Variants in PTGER3 observed in about 807,000 individuals in gnomAD.
PTGER3 encodes prostaglandin E receptor 3.
Under a neutral mutation model 34.7 loss-of-function variants are expected in PTGER3, and 22 were observed. That is an observed-to-expected ratio of 0.63 (90% CI 0.45 to 0.91). The LOEUF is 0.91. PTGER3 is among the 40% of genes least tolerant of loss of function. The probability of loss-of-function intolerance (pLI) is 0.00; values close to 1 mark genes in which losing one functional copy is unlikely to be tolerated. For synonymous variants in PTGER3, 241 were observed against 230.1 expected, an observed-to-expected ratio of 1.05 and a Z score of -0.43; for missense variants, 468 against 519.4, an observed-to-expected ratio of 0.90 and a Z score of 0.96.
At chr1:71,038,892 A>G (rs1293862590) in intron 1 of PTGER3, among the ~76,000 whole-genome samples, 2 of 152,210 alleles carry the variant, frequency 1.3e-5, no homozygotes, top group East Asian at 3.8e-4. Flanking sequence ...AAGACAACTG[A>G]GGGAGAGACT....
intron 2 of PTGER3, chr1:71,007,572 G>T: frequency 1.0e-6 from 1 of 985,354 alleles, no homozygotes; most frequent in Non-Finnish European, 1.2e-6. Flanking sequence ...GTAGAAAATG[G>T]ACAGGTTTTC....
At position 70,895,437 on chromosome 1, in the gene PTGER3, GA is replaced by G. The variant is rs373800542; in HGVS notation, c.*24-42579del. Among the ~76,000 whole-genome samples the G allele has an allele frequency of 3.9e-3, 595 of 152,234 alleles. 5 individuals are homozygous for G. Among genetic ancestry groups the G allele is most frequent in the African/African-American group, 0.014 (562 of 41,534 alleles). ...CTGCCTATGATTACTCATTGCCTTT[GA>G]ATAGTGGTTACTTTTCATGGTATAC... On this transcript the variant is annotated intron_variant, in intron 4 of 4. Coordinates refer to the PTGER3 transcript ENST00000370931.
At chr1:70,913,657 A>G (rs995429995) in intron 4 of PTGER3, among the ~76,000 whole-genome samples, 9 of 151,880 alleles carry the variant, frequency 5.9e-5, no homozygotes, top group African/African-American at 2.2e-4. Context: ...AGTTCCCTTT[A>G]ATTCCCAGTT....
intron 2 of PTGER3, among the ~76,000 whole-genome samples, chr1:71,003,538 A>T (rs1656674058): frequency 6.6e-6 from 1 of 152,188 alleles, no homozygotes; most frequent in Non-Finnish European, 1.5e-5. Context: ...TATTTTTTTT[A>T]AATGGGTCTT....
chr1:70,988,185 T>C (rs531231522), intron 2 of PTGER3, among the ~76,000 whole-genome samples: 2 of 152,336 alleles, frequency 1.3e-5, no homozygotes, highest in Admixed American at 1.3e-4. Flanking sequence ...TCAGCTTCTC[T>C]TATTCTTAAT....
intron 1 of PTGER3, among the ~76,000 whole-genome samples, chr1:71,024,410 T>G (rs894412006): frequency 1.3e-5 from 2 of 152,184 alleles, no homozygotes; most frequent in Admixed American, 6.5e-5. Context: ...TTGCTGCTTG[T>G]TTTTAATTGT....
At chr1:70,989,507 T>G (rs1479262811) in intron 2 of PTGER3, among the ~76,000 whole-genome samples, 2 of 152,200 alleles carry the variant, frequency 1.3e-5, no homozygotes, top group African/African-American at 4.8e-5. Context: ...TTTTATGATG[T>G]CTGAGTTTTC....
intron 2 of PTGER3, chr1:70,953,930 A>C: frequency 2.1e-6 from 1 of 478,064 alleles, no homozygotes; most frequent in Non-Finnish European, 3.7e-6. Context: ...AGTATAGCAA[A>C]AGATAAACAA....
chr1:71,012,299 T>C lies in PTGER3; in HGVS notation c.1077+6A>G, dbSNP rs762890241. 6.2e-7 allele frequency: 1 copy of C among 1,614,168 alleles called. No individual in the cohort carries two copies. Among genetic ancestry groups the C allele is most frequent in the Non-Finnish European group, 8.5e-7 (1 of 1,180,034 alleles). On this transcript the variant is annotated splice_donor_region_variant and intron_variant, in intron 2 of 3. Coordinates refer to ENST00000306666, the MANE Select transcript of PTGER3 (RefSeq NM_198719.2). The stretch of plus-strand genomic sequence containing the variant: ...CATTAGAGCAGCTGGAGACAGCATT[T>C]GCTACCTGGCAAAACTTTCGAAGAA...
chr1:70,897,230 A>C (rs977704101), intron 4 of PTGER3, among the ~76,000 whole-genome samples: 2 of 152,170 alleles, frequency 1.3e-5, no homozygotes, highest in Non-Finnish European at 2.9e-5. Flanking sequence ...GCTAGAATGC[A>C]CTGGTGTCAC....
intron 4 of PTGER3, among the ~76,000 whole-genome samples, chr1:70,899,976 C>G (rs902291228): frequency 6.6e-6 from 1 of 152,068 alleles, no homozygotes; most frequent in Non-Finnish European, 1.5e-5. Context: ...ATGTCAGAAG[C>G]AACCTGTGAG....
intron 2 of PTGER3, among the ~76,000 whole-genome samples, chr1:70,995,762 T>C (rs1014954328): frequency 3.3e-5 from 5 of 152,188 alleles, no homozygotes; most frequent in African/African-American, 9.7e-5. Context: ...CAAAATACTT[T>C]TATAAGTGTT....
At chr1:70,862,755 G>A (rs372955047) in intron 4 of PTGER3, among the ~76,000 whole-genome samples, 1 of 152,090 alleles carries the variant, frequency 6.6e-6, no homozygotes, top group Non-Finnish European at 1.5e-5. Context: ...GAAGAAAGAA[G>A]GGAGTAAGAA....
At chr1:70,889,198 G>A (rs113985740) in intron 4 of PTGER3, among the ~76,000 whole-genome samples, 7,412 of 151,776 alleles carry the variant, frequency 0.049, 426 homozygotes, top group East Asian at 0.22. Flanking sequence ...GGTGGATCAC[G>A]AGTTCAGGAG....
At chr1:71,026,523 G>A (rs1011877962) in intron 1 of PTGER3, among the ~76,000 whole-genome samples, 1 of 152,096 alleles carries the variant, frequency 6.6e-6, no homozygotes, top group East Asian at 1.9e-4. Flanking sequence ...GTTTGAATAA[G>A]ACACAACTTG....
At chr1:70,972,259 G>A (rs960435078) in intron 3 of PTGER3, among the ~76,000 whole-genome samples, 2 of 152,064 alleles carry the variant, frequency 1.3e-5, no homozygotes, top group African/African-American at 4.8e-5. Context: ...GGAGGTGGAG[G>A]TTGCAGTGAG....
chr1:70,885,330 G>A (rs1646474781), intron 4 of PTGER3, among the ~76,000 whole-genome samples: 1 of 151,932 alleles, frequency 6.6e-6, no homozygotes, highest in South Asian at 2.1e-4. Flanking sequence ...GTCCATCTGT[G>A]CATTTATTCA....
downstream of PTGER3, among the ~76,000 whole-genome samples, chr1:70,951,828 GACAA>G (rs1400096321): frequency 1.3e-5 from 2 of 152,054 alleles, no homozygotes; most frequent in African/African-American, 4.8e-5. Context: ...AAGGTAGACA[GACAA>G]ACAGAAACAA....
At chr1:70,946,659 T>C (rs1320012965) in intron 4 of PTGER3, among the ~76,000 whole-genome samples, 2 of 152,144 alleles carry the variant, frequency 1.3e-5, no homozygotes, top group African/African-American at 2.4e-5. Context: ...TGGGTGTTCA[T>C]GGACCCACCA....
Sources: allele counts gnomAD v4.1 joint callset (sites outside exome capture counted in the v4.1 genomes callset), GRCh38; gene constraint gnomAD v4.1.1; transcripts MANE v1.5; gene names NCBI Gene and HGNC (gene_info 2026-07-23, HGNC 2026-07-21).